The following VPS13A variants were observed in gnomAD, a reference collection of about 807,000 sequenced individuals.
The protein encoded by VPS13A is intermembrane lipid transfer protein VPS13A.
In VPS13A, 264 loss-of-function variants were observed where a neutral mutation model predicts 390.9. The observed-to-expected ratio is 0.68, with a 90% CI of 0.61 to 0.75. VPS13A has a LOEUF of 0.75. VPS13A is among the 30% of genes least tolerant of loss of function. The pLI, the probability that VPS13A is intolerant of heterozygous loss-of-function variation, is 0.00. For synonymous variants in VPS13A, 1,231 were observed against 1,227.1 expected (o/e 1.00, Z -0.07); for missense variants, 3,409 against 3,733.9 (o/e 0.91, Z 2.27).
chr9:77,265,246 C>A (rs758378104), intron 23 of VPS13A, among the ~76,000 whole-genome samples: 1 of 152,096 alleles, frequency 6.6e-6, no homozygotes, highest in Non-Finnish European at 1.5e-5. Context: ...GGGATATTAG[C>A]CTGAAATTCT....
chr9:77,239,812 T>C (rs1043237406), intron 19 of VPS13A, among the ~76,000 whole-genome samples: 2 of 151,996 alleles, frequency 1.3e-5, no homozygotes, highest in Non-Finnish European at 2.9e-5. Context: ...AATTCTAGGA[T>C]ACCTTTCTTC....
At chr9:77,207,868 T>C (rs1372362172) in intron 5 of VPS13A, among the ~76,000 whole-genome samples, 4 of 152,206 alleles carry the variant, frequency 2.6e-5, no homozygotes, top group Non-Finnish European at 5.9e-5. Flanking sequence ...GGATTTTTGT[T>C]GTTGTTGTTG....
In VPS13A at chr9:77,417,005, G is replaced by C. The variant is rs959514446; in HGVS notation, c.*999G>C. 6.6e-6 allele frequency: 1 copy of C among 152,482 alleles called. No individual in the cohort carries two copies. Among genetic ancestry groups the C allele is most frequent in the Non-Finnish European group, 1.5e-5 (1 of 67,998 alleles). 9.4% of individuals were successfully genotyped at this position (152,482 alleles called of 1,614,324 possible). A position where few individuals can be genotyped will look rare whatever the true frequency, so the allele number is the denominator to read the frequency against. ...GCTTACTCTACAGTTATTCAAATGA[G>C]AGTCACGCTTTTAAATTTACAGCTC... is the stretch of plus-strand genomic sequence containing the variant. On this transcript the variant is annotated 3_prime_UTR_variant, in exon 72 of 72. Transcript: ENST00000360280.
At chr9:77,317,748 G>A (rs1018382186) in intron 40 of VPS13A, 50 bp downstream of exon 40, 16 of 1,388,378 alleles carry the variant, frequency 1.2e-5, no homozygotes, top group Non-Finnish European at 1.6e-5. Flanking sequence ...AAAAAAAGTA[G>A]TAAAGCCTAG....
rs1251935876 is a variant in VPS13A at position 77,286,934 on chromosome 9, C to T, written c.3339+3284C>T. On this transcript the variant is annotated intron_variant, in intron 31 of 71. Transcript: ENST00000360280. ...CTTTTTAACATGGTGTTTTATTAACCGTCTTTCTGTACCTGAAGTCTCCTA... is the reference window on the plus strand; with the variant it reads ...CTTTTTAACATGGTGTTTTATTAACTGTCTTTCTGTACCTGAAGTCTCCTA... 4.6e-5 allele frequency among the ~76,000 whole-genome samples: 7 copies of T among 151,852 alleles called. No individual in the cohort carries two copies. The East Asian group carries it at 1.2e-3, about 25-fold the overall frequency.
intron 19 of VPS13A, among the ~76,000 whole-genome samples, chr9:77,243,456 T>G (rs1824622498): frequency 6.6e-6 from 1 of 152,118 alleles, no homozygotes; most frequent in African/African-American, 2.4e-5. Flanking sequence ...TCCCCTTCCT[T>G]TCTAAGAACT....
At position 77,406,040 on chromosome 9, in the gene VPS13A, G is replaced by A; in HGVS notation, c.9399+53G>A. ...AACTTGGAACTGAAAATAATGCTTT[G>A]AAGTAGTCCTTTTTATTTGTATAAT... On this transcript the variant is annotated intron_variant, in intron 70 of 71. Transcript: ENST00000360280. 5 of 1,602,606 alleles carry A rather than the reference G, an allele frequency of 3.1e-6. No individual in the cohort carries two copies. In the South Asian group the frequency reaches 5.5e-5, roughly 18 times the overall value.
intron 1 of VPS13A, among the ~76,000 whole-genome samples, chr9:77,179,686 C>CG (rs1564610692): frequency 2.1e-5 from 3 of 141,144 alleles, no homozygotes; most frequent in Non-Finnish European, 3.1e-5. Flanking sequence ...TTGGGTTGTA[C>CG]GTTTTTTTTT....
intron 20 of VPS13A, 23 bp downstream of exon 20, chr9:77,247,418 T>C: frequency 6.3e-7 from 1 of 1,585,494 alleles, no homozygotes; most frequent in Non-Finnish European, 8.6e-7. Flanking sequence ...AATATTTGAT[T>C]TATGATACAG....
At chr9:77,338,355 A>G (rs1408349434) in intron 47 of VPS13A, 1 of 152,196 alleles carries the variant, frequency 6.6e-6, no homozygotes, top group Non-Finnish European at 1.5e-5. Context: ...CATATTGAAT[A>G]ACAAATTATC....
chr9:77,337,365 C>G lies in VPS13A; in HGVS notation c.6206C>G (p.Ser2069Cys). 5 of 1,612,670 alleles carry G rather than the reference C, an allele frequency of 3.1e-6. No homozygotes were observed. Among genetic ancestry groups the G allele is most frequent in the Non-Finnish European group, 4.2e-6 (5 of 1,178,976 alleles). ...DGALLKKKCR[S>C]KNPSKESFLI... ...GCTCTTCTAAAGAAGAAATGTAGAT[C>G]TAAAAACCCTTCTAAGGAATCATTT... The change falls in exon 47 of 72, where the codon TCT becomes TGT. Residue 2069 changes from serine to cysteine, a missense_variant. Transcript: ENST00000360280.
chr9:77,255,273 G>A (rs1180969225), intron 22 of VPS13A, among the ~76,000 whole-genome samples: 1 of 151,980 alleles, frequency 6.6e-6, no homozygotes, highest in African/African-American at 2.4e-5. Context: ...TGATCAAGAT[G>A]ATTTTTTTCC....
intron 19 of VPS13A, among the ~76,000 whole-genome samples, chr9:77,246,778 T>G (rs1216155675): frequency 1.3e-5 from 2 of 152,150 alleles, no homozygotes; most frequent in Non-Finnish European, 2.9e-5. Flanking sequence ...AAACTCTGGT[T>G]TGTTGCCTTT....
chr9:77,312,275 GATGT>G (rs1175792878), intron 35 of VPS13A, among the ~76,000 whole-genome samples: 30 of 152,098 alleles, frequency 2.0e-4, no homozygotes, highest in Non-Finnish European at 2.4e-4. Flanking sequence ...CCTCAGACTT[GATGT>G]ATGTATCTTT....
At chr9:77,342,179 GGAATAGCT>G (rs1830865617) in intron 50 of VPS13A, among the ~76,000 whole-genome samples, 1 of 151,974 alleles carries the variant, frequency 6.6e-6, no homozygotes, top group Non-Finnish European at 1.5e-5. Flanking sequence ...GCCAGGTGTC[GGAATAGCT>G]GATTAACACA....
chr9:77,182,132 C>T (rs560259990), intron 1 of VPS13A, among the ~76,000 whole-genome samples: 2 of 152,228 alleles, frequency 1.3e-5, no homozygotes, highest in African/African-American at 2.4e-5. Flanking sequence ...CTCGTTCTGT[C>T]ACCCGGGTGG....
At chr9:77,256,639 C>G (rs547438156) in intron 22 of VPS13A, among the ~76,000 whole-genome samples, 56 of 152,030 alleles carry the variant, frequency 3.7e-4, no homozygotes, top group African/African-American at 1.3e-3. Flanking sequence ...TTAATTGTGT[C>G]AGTGCTTGCT....
At chr9:77,363,210 T>C (rs1447536951) in intron 59 of VPS13A, among the ~76,000 whole-genome samples, 3 of 152,056 alleles carry the variant, frequency 2.0e-5, no homozygotes, top group South Asian at 4.1e-4. Flanking sequence ...TTTCAGTCTT[T>C]GAGTATGATA....
chr9:77,311,773 T>C (rs1210434201), intron 35 of VPS13A, among the ~76,000 whole-genome samples: 1 of 152,196 alleles, frequency 6.6e-6, no homozygotes, highest in Non-Finnish European at 1.5e-5. Flanking sequence ...AGAATACCTT[T>C]TTGTTTTTAA....
Sources: allele counts gnomAD v4.1 joint callset (sites outside exome capture counted in the v4.1 genomes callset), GRCh38; gene constraint gnomAD v4.1.1; transcripts MANE v1.5; gene names NCBI Gene and HGNC (gene_info 2026-07-23, HGNC 2026-07-21).